TLDC2: variants seen among roughly 807,000 people sequenced by gnomAD.
TLDC2 encodes TBC/LysM-associated domain containing 2.
A neutral mutation model predicts 27.9 loss-of-function variants in TLDC2; 23 were observed. The observed-to-expected ratio is 0.82, with a 90% CI of 0.59 to 1.17. TLDC2 has a LOEUF of 1.17. TLDC2 is among the 50% of genes most tolerant of loss of function. The pLI is 0.00. For synonymous variants in TLDC2, 124 were observed against 107.4 expected, an observed-to-expected ratio of 1.16 and a Z score of -0.96; for missense variants, 286 against 273.4, an observed-to-expected ratio of 1.05 and a Z score of -0.32.
At position 36,887,422 on chromosome 20, in the gene TLDC2, A is replaced by G. The variant is rs150768309; in HGVS notation, c.439-33A>G. 1,474 of 1,593,180 alleles carry G rather than the reference A, an allele frequency of 9.3e-4. 8 individuals are homozygous for G. In the African/African-American group the frequency reaches 0.012, roughly 13 times the overall value. On this transcript the variant is annotated intron_variant, in intron 4 of 6. Transcript: ENST00000217320. ...CTGCAAGGGCGGGACTCGCTCGCTT[A>G]GTAACCTGAGCCTTTCCCTATGTAT...
At position 36,893,477 on chromosome 20, in the gene TLDC2, G is replaced by A. The variant is rs1240612115; in HGVS notation, c.*633G>A. 3.5e-6 allele frequency: 1 copy of A among 286,348 alleles called. No homozygotes were observed. Among genetic ancestry groups the A allele is most frequent in the Non-Finnish European group, 6.5e-6 (1 of 152,816 alleles). The allele number at this position is 286,348 out of a possible 1,614,324, so 17.7% of individuals were successfully genotyped here. On this transcript the variant is annotated 3_prime_UTR_variant, in exon 7 of 7. Coordinates refer to ENST00000217320, the MANE Select transcript of TLDC2 (RefSeq NM_080628.3). ...CAGGTCTACAAGATGGCAAAGAAGG[G>A]GAGGAAGAACAGTATGTACCTGCAG...
intron 1 of TLDC2, among the ~76,000 whole-genome samples, chr20:36,877,552 T>A (rs1343935336): frequency 6.6e-6 from 1 of 151,784 alleles, no homozygotes; most frequent in Non-Finnish European, 1.5e-5. Context: ...CCTTCCCCTC[T>A]GCTCCCAAGC....
At chr20:36,891,994 C>G (rs1475609367) in intron 6 of TLDC2, 1 of 152,342 alleles carries the variant, frequency 6.6e-6, no homozygotes, top group African/African-American at 2.4e-5. Context: ...GAGGCCTTCT[C>G]CAGGCTGGGC....
At chr20:36,881,387 A>G (rs1488796880) in intron 4 of TLDC2, among the ~76,000 whole-genome samples, 1 of 152,042 alleles carries the variant, frequency 6.6e-6, no homozygotes, top group Admixed American at 6.6e-5. Flanking sequence ...CTCAAAAAAA[A>G]AAAAAAAGAA....
At chr20:36,886,979 G>C (rs907374919) in intron 4 of TLDC2, among the ~76,000 whole-genome samples, 1 of 152,148 alleles carries the variant, frequency 6.6e-6, no homozygotes, top group African/African-American at 2.4e-5. Context: ...AGAGGGACCA[G>C]CTGGGAGGCT....
Position 36,887,523 on chromosome 20 carries a change from T to C in TLDC2, c.507T>C (p.Ser169=). Residue 169 remains serine, a synonymous_variant, in exon 5 of 7, where the codon AGT becomes AGC. Transcript: ENST00000217320. The part of the protein sequence containing the change: ...KGDLDSLMMG[S]GSGRFGLWLD... ...ACTTGGATTCACTGATGATGGGCAG[T>C]GGCAGGTGAGTGTCTCAGTCTTCCC... 2 of 1,614,086 alleles carry C rather than the reference T, an allele frequency of 1.2e-6. No homozygotes were observed. Among genetic ancestry groups the C allele is most frequent in the Non-Finnish European group, 1.7e-6 (2 of 1,179,926 alleles).
chr20:36,883,589 T>C (rs1989860373), intron 4 of TLDC2, among the ~76,000 whole-genome samples: 1 of 152,188 alleles, frequency 6.6e-6, no homozygotes, highest in Admixed American at 6.6e-5. Context: ...TCCTTAACTC[T>C]TGTCTTTCAC....
intron 2 of TLDC2, 56 bp downstream of exon 2, chr20:36,878,110 C>G: frequency 6.4e-7 from 1 of 1,558,674 alleles, no homozygotes. Flanking sequence ...GAGTCTCACC[C>G]TCCTGCCCTA....
intron 2 of TLDC2, 130 bp downstream of exon 2, chr20:36,878,184 G>T (rs184984750): frequency 1.1e-5 from 11 of 1,008,888 alleles, no homozygotes; most frequent in Admixed American, 3.2e-5. Context: ...CGTTACCTCC[G>T]GCAAATTGCT....
chr20:36,886,602 G>GA (rs879553334), intron 4 of TLDC2, among the ~76,000 whole-genome samples: 2 of 151,984 alleles, frequency 1.3e-5, no homozygotes, highest in Non-Finnish European at 2.9e-5. Context: ...AAAAGAGAGA[G>GA]AAAAAAAATT....
chr20:36,887,502 G>C lies in TLDC2; in HGVS notation c.486G>C (p.Leu162Phe), dbSNP rs1989948467. 1.2e-6 allele frequency: 2 copies of C among 1,614,122 alleles called. No individual in the cohort carries two copies. The highest frequency in any genetic ancestry group is 1.7e-5 in the Admixed American group (1 of 60,022). ...ACTCTTTCTTTGTGAAGGGAGACTTGGATTCACTGATGATGGGCAGTGGCA... is the reference window on the plus strand; with the variant it reads ...ACTCTTTCTTTGTGAAGGGAGACTTCGATTCACTGATGATGGGCAGTGGCA... ...GSNSFFVKGD[L>F]DSLMMGSGSG... Residue 162 changes from leucine to phenylalanine, a missense_variant, in exon 5 of 7, where the codon TTG becomes TTC. Leu to Phe is a conservative substitution (Grantham distance 22). Coordinates refer to ENST00000217320, the MANE Select transcript of TLDC2 (RefSeq NM_080628.3).
In TLDC2 at chr20:36,878,036, T is replaced by A. The variant is rs747154441; in HGVS notation, c.171T>A (p.Ser57Arg). 5.9e-5 allele frequency: 95 copies of A among 1,613,630 alleles called. No homozygotes were observed. The highest frequency in any genetic ancestry group is 7.7e-5 in the Non-Finnish European group (91 of 1,179,830). ...TGACAGAAGCCAGCCAGGTTTTGAG[T>A]GCCTCAGAGATTCGGCAGGTCTGGG... ...PQLTEASQVLSASEIRQLSFH... is the reference protein window; with the variant it reads ...PQLTEASQVLRASEIRQLSFH... The change falls in exon 2 of 7, where the codon AGT (serine) becomes AGA (arginine). Residue 57 changes from serine to arginine, a missense_variant. Transcript: ENST00000217320.
At chr20:36,886,386 T>C (rs1425259086) in intron 4 of TLDC2, among the ~76,000 whole-genome samples, 2 of 152,044 alleles carry the variant, frequency 1.3e-5, no homozygotes, top group African/African-American at 4.8e-5. Context: ...ACGAGGTCAA[T>C]AGATTGAGAC....
chr20:36,891,641 C>T (rs1179827271), intron 6 of TLDC2: 1 of 152,264 alleles, frequency 6.6e-6, no homozygotes, highest in Admixed American at 6.5e-5. Flanking sequence ...CTAGCGGAGC[C>T]TGGAGCCCAC....
Position 36,894,152 on chromosome 20 carries a change from G to GT in TLDC2, c.*1309dup. On this transcript the variant is annotated 3_prime_UTR_variant, in exon 7 of 7. Transcript: ENST00000217320. ...CTCATTTAGCTCTGCCAAAACTTTT[G>GT]TATCTCACCCCCATGTTAAATTTTT... The GT allele has an allele frequency of 2.6e-6, 1 of 391,990 alleles. No homozygotes were observed. The highest frequency in any genetic ancestry group is 4.5e-6 in the Non-Finnish European group (1 of 222,736). 24.3% of individuals were successfully genotyped at this position (391,990 alleles called of 1,614,324 possible).
At chr20:36,887,022 G>A (rs1329346839) in intron 4 of TLDC2, among the ~76,000 whole-genome samples, 1 of 152,062 alleles carries the variant, frequency 6.6e-6, no homozygotes, top group African/African-American at 2.4e-5. Flanking sequence ...TAGAAATGGC[G>A]GCAGGCCCGC....
rs1162496017 is a variant in TLDC2, at chr20:36,894,193, T to C, written c.*1349T>C. Reference sequence around the variant, plus strand: ...TTAAATTTTTTCTGTTGAACTACACTGGATCTGACTTGATAGAACTATTAA... The same window carrying C: ...TTAAATTTTTTCTGTTGAACTACACCGGATCTGACTTGATAGAACTATTAA... On this transcript the variant is annotated 3_prime_UTR_variant, in exon 7 of 7. Transcript: ENST00000217320. 3 of 377,576 alleles carry C rather than the reference T, an allele frequency of 7.9e-6. No homozygotes were observed. Among genetic ancestry groups the C allele is most frequent in the Non-Finnish European group, 1.4e-5 (3 of 213,922 alleles). 23.4% of individuals were successfully genotyped at this position (377,576 alleles called of 1,614,324 possible).
chr20:36,886,377 C>G (rs532706248), intron 4 of TLDC2, among the ~76,000 whole-genome samples: 3 of 152,248 alleles, frequency 2.0e-5, no homozygotes, highest in Non-Finnish European at 2.9e-5. Context: ...AGGCGGATCA[C>G]GAGGTCAATA....
rs200350222 is a variant in TLDC2 at position 36,876,150 on chromosome 20, C to T, written c.-25C>T. 22 of 1,614,054 alleles carry T rather than the reference C, an allele frequency of 1.4e-5. 1 individual carries two copies. The East Asian group carries it at 2.7e-4, about 20-fold the overall frequency. ...GGGCTGAGGATTCACTCACTGCCCA[C>T]GGCCGGCTGAGCAGGGACAGGAGAA... On this transcript the variant is annotated 5_prime_UTR_variant, in exon 1 of 7. It adds an upstream start codon to the 5' untranslated region. Transcript: ENST00000217320.
Sources: gnomAD v4.1 joint callset for allele counts (sites outside exome capture counted in the v4.1 genomes callset) on GRCh38, gnomAD v4.1.1 for gene constraint, MANE v1.5 for transcripts, NCBI Gene and HGNC (gene_info 2026-07-23, HGNC 2026-07-21) for gene names.